The following ADGRB3 variants were observed in gnomAD, a reference collection of about 807,000 sequenced individuals.
ADGRB3 encodes the protein brain-specific angiogenesis inhibitor 3.
ADGRB3 carries 37 observed loss-of-function variants against 193.4 expected under a neutral mutation model. The observed-to-expected ratio is 0.19, with a 90% CI of 0.15 to 0.25. The LOEUF (loss-of-function observed/expected upper bound fraction) is 0.25, where lower values mean the gene tolerates loss of function less well. Ranked by LOEUF, ADGRB3 falls within the 10% of genes least tolerant of loss-of-function variation. The pLI, the probability that ADGRB3 is intolerant of heterozygous loss-of-function variation, is 1.00. For missense variants in ADGRB3, 1,637 were observed against 1,852.9 expected (o/e 0.88, Z 2.14); for synonymous variants, 690 against 644.2 (o/e 1.07, Z -1.08).
chr6:68,776,081 C>A (rs1325812200), intron 3 of ADGRB3, among the ~76,000 whole-genome samples: 1 of 152,016 alleles, frequency 6.6e-6, no homozygotes, highest in Non-Finnish European at 1.5e-5. Flanking sequence ...CTGTCATGAT[C>A]CAGAGACTGT....
At chr6:68,847,788 G>A (rs745620365) in intron 3 of ADGRB3, among the ~76,000 whole-genome samples, 7 of 152,004 alleles carry the variant, frequency 4.6e-5, no homozygotes, top group African/African-American at 1.2e-4. Context: ...AGGTGGGGTC[G>A]GGGAAAGAAG....
chr6:68,954,988 GAAT>G (rs2150256093), intron 6 of ADGRB3, among the ~76,000 whole-genome samples: 1 of 152,104 alleles, frequency 6.6e-6, no homozygotes, highest in African/African-American at 2.4e-5. Context: ...AAACACCTGA[GAAT>G]AATATCCAAA....
At chr6:68,733,543 C>T (rs369026627) in intron 3 of ADGRB3, among the ~76,000 whole-genome samples, 26 of 151,690 alleles carry the variant, frequency 1.7e-4, no homozygotes, top group East Asian at 1.6e-3. Flanking sequence ...ATATTCATTC[C>T]TGGGGAAATG....
intron 3 of ADGRB3, among the ~76,000 whole-genome samples, chr6:68,864,742 G>C (rs1345520158): frequency 6.6e-6 from 1 of 152,148 alleles, no homozygotes; most frequent in Non-Finnish European, 1.5e-5. Context: ...CATTTGTTCT[G>C]GGAGCTCCTG....
intron 17 of ADGRB3, among the ~76,000 whole-genome samples, chr6:69,084,162 T>C (rs910013967): frequency 2.0e-5 from 3 of 152,158 alleles, no homozygotes; most frequent in Non-Finnish European, 4.4e-5. Flanking sequence ...TTTTGTCTGC[T>C]GTCTGCTTTT....
At chr6:68,760,826 A>C (rs1280374737) in intron 3 of ADGRB3, among the ~76,000 whole-genome samples, 4 of 152,218 alleles carry the variant, frequency 2.6e-5, no homozygotes, top group Non-Finnish European at 5.9e-5. Context: ...AGGACACTAT[A>C]ATAGCAGCAT....
intron 3 of ADGRB3, among the ~76,000 whole-genome samples, chr6:68,867,574 C>G (rs1364550867): frequency 6.6e-6 from 1 of 152,142 alleles, no homozygotes; most frequent in South Asian, 2.1e-4. Flanking sequence ...CCACCATTCT[C>G]CAGACCCCAG....
chr6:68,637,743 G>A (rs1006780033), intron 2 of ADGRB3, among the ~76,000 whole-genome samples, 181 bp downstream of exon 2: 1 of 151,212 alleles, frequency 6.6e-6, no homozygotes, highest in Non-Finnish European at 1.5e-5. Flanking sequence ...AATTACAGTT[G>A]ATAAGATAAT....
At chr6:69,263,350 T>G (rs542153982) in intron 20 of ADGRB3, among the ~76,000 whole-genome samples, 2 of 152,124 alleles carry the variant, frequency 1.3e-5, no homozygotes, top group African/African-American at 4.8e-5. Flanking sequence ...TTCTCTCAAG[T>G]TTTTCTTCCA....
At chr6:69,315,930 T>A (rs1768300011) in intron 20 of ADGRB3, among the ~76,000 whole-genome samples, 1 of 151,418 alleles carries the variant, frequency 6.6e-6, no homozygotes, top group Non-Finnish European at 1.5e-5. Context: ...ATATTGATAC[T>A]CTTTAAGGGT....
chr6:69,259,300 T>C (rs1766858719), intron 20 of ADGRB3, among the ~76,000 whole-genome samples: 1 of 152,212 alleles, frequency 6.6e-6, no homozygotes, highest in East Asian at 1.9e-4. Flanking sequence ...TCTTCAATAA[T>C]TAACCTTGTT....
chr6:68,838,826 G>A (rs1047342572), intron 3 of ADGRB3, among the ~76,000 whole-genome samples: 7 of 152,038 alleles, frequency 4.6e-5, no homozygotes, highest in African/African-American at 1.7e-4. Flanking sequence ...GCATTTATTT[G>A]TTTTTCTTCT....
chr6:69,103,934 G>T (rs1391366656), intron 17 of ADGRB3, among the ~76,000 whole-genome samples: 2 of 151,988 alleles, frequency 1.3e-5, no homozygotes, highest in African/African-American at 4.8e-5. Flanking sequence ...GATGCTCTCA[G>T]TATTTAAATT....
chr6:69,146,289 A>G (rs563363164), intron 17 of ADGRB3, among the ~76,000 whole-genome samples: 82 of 152,336 alleles, frequency 5.4e-4, no homozygotes, highest in South Asian at 5.0e-3. Context: ...AGGTTGTGAC[A>G]GTGCCCAGGC....
rs146341902 is a variant in ADGRB3 at position 69,005,174 on chromosome 6, A to T, written c.1930-8864A>T. On this transcript the variant is annotated intron_variant, in intron 11 of 31. Coordinates refer to ENST00000370598, the MANE Select transcript of ADGRB3 (RefSeq NM_001704.3). The stretch of plus-strand genomic sequence containing the variant: ...AATCATATTTAATGGTGTTAGTATC[A>T]TTAACTATTTTTACCTTTCATTTTT... Among the ~76,000 whole-genome samples, 436 of 152,140 alleles carry T rather than the reference A, an allele frequency of 2.9e-3. 6 individuals are homozygous for T. The highest frequency in any genetic ancestry group is 8.0e-3 in the African/African-American group (333 of 41,496).
intron 3 of ADGRB3, among the ~76,000 whole-genome samples, chr6:68,699,832 A>G (rs1765213061): frequency 6.6e-6 from 1 of 151,820 alleles, no homozygotes; most frequent in Non-Finnish European, 1.5e-5. Flanking sequence ...GCATGGACAA[A>G]TAGAAGACAA....
intron 30 of ADGRB3, 105 bp downstream of exon 30, chr6:69,372,546 T>C (rs1375045711): frequency 1.3e-5 from 6 of 467,960 alleles, no homozygotes; most frequent in African/African-American, 2.0e-5. Flanking sequence ...GGGTATTATG[T>C]ACTAATTTAA....
intron 17 of ADGRB3, among the ~76,000 whole-genome samples, chr6:69,099,466 T>C (rs897518596): frequency 6.6e-6 from 1 of 152,224 alleles, no homozygotes; most frequent in African/African-American, 2.4e-5. Context: ...TATGTTACTG[T>C]CAGCAGAAAA....
chr6:68,970,967 A>G (rs1292729021), intron 8 of ADGRB3, among the ~76,000 whole-genome samples: 2 of 152,218 alleles, frequency 1.3e-5, no homozygotes, highest in Non-Finnish European at 2.9e-5. Context: ...GGAAACAAGC[A>G]GCATTGTGGA....
Sources: allele counts gnomAD v4.1 joint callset (sites outside exome capture counted in the v4.1 genomes callset), GRCh38; gene constraint gnomAD v4.1.1; transcripts MANE v1.5; gene names NCBI Gene and HGNC (gene_info 2026-07-23, HGNC 2026-07-21).